Variants in CLMP observed in about 807,000 individuals in gnomAD.
CLMP encodes the protein CXADR-like membrane protein.
CLMP carries 27 observed loss-of-function variants against 45.2 expected under a neutral mutation model. The ratio of observed to expected loss-of-function variants is 0.60; its 90% CI spans 0.44 to 0.82. CLMP has a LOEUF of 0.82. Among genes scored for constraint, CLMP ranks in the 40% least tolerant of loss-of-function variants. The pLI is 0.00. For synonymous variants in CLMP, 167 were observed against 171.4 expected (o/e 0.97, Z 0.20); for missense variants, 403 against 448.4 (o/e 0.90, Z 0.91).
Position 123,074,709 on chromosome 11 carries a change from C to T in CLMP, c.814G>A (p.Glu272Lys), listed in dbSNP as rs1438300290. 18 of 1,613,908 alleles carry T rather than the reference C, an allele frequency of 1.1e-5. No homozygotes were observed. The highest frequency in any genetic ancestry group is 1.5e-5 in the Non-Finnish European group (18 of 1,179,956). ...ERYEEEERPNEIREDAEAPKA... is the reference protein window; with the variant it reads ...ERYEEEERPNKIREDAEAPKA... ...GGGATGTGGGAGGTTTACCGAATTT[C>T]ATTAGGTCTCTCTTCTTCCTCATAT... The change falls in exon 6 of 7, where the codon GAA becomes AAA. Residue 272 changes from glutamate to lysine, a missense_variant. Coordinates refer to ENST00000448775, the MANE Select transcript of CLMP (RefSeq NM_024769.5).
At chr11:123,133,691 G>A (rs1446913098) in intron 1 of CLMP, among the ~76,000 whole-genome samples, 2 of 152,058 alleles carry the variant, frequency 1.3e-5, no homozygotes, top group Non-Finnish European at 2.9e-5. Flanking sequence ...GCAGGTGCAG[G>A]AAGGACTGTC....
At chr11:123,174,068 T>C (rs932603628) in intron 1 of CLMP, among the ~76,000 whole-genome samples, 4 of 152,006 alleles carry the variant, frequency 2.6e-5, no homozygotes, top group African/African-American at 4.8e-5. Context: ...GGGCAACAGG[T>C]GGGACCCTGT....
At chr11:123,159,340 G>A (rs1861454894) in intron 1 of CLMP, among the ~76,000 whole-genome samples, 1 of 152,196 alleles carries the variant, frequency 6.6e-6, no homozygotes, top group South Asian at 2.1e-4. Flanking sequence ...GCTGCGCTTG[G>A]CCCGGCGATG....
intron 2 of CLMP, among the ~76,000 whole-genome samples, chr11:123,089,705 A>G (rs1376752022): frequency 6.9e-6 from 1 of 144,540 alleles, no homozygotes; most frequent in Non-Finnish European, 1.5e-5. Flanking sequence ...TGAACCCAGG[A>G]GGCGGAGCTT....
intron 1 of CLMP, among the ~76,000 whole-genome samples, chr11:123,167,447 G>A (rs944107155): frequency 2.0e-5 from 3 of 152,050 alleles, no homozygotes; most frequent in African/African-American, 7.3e-5. Context: ...CACCACGCCT[G>A]GCTAATTTTT....
chr11:123,105,597 A>G (rs544231425), intron 1 of CLMP, among the ~76,000 whole-genome samples: 1 of 149,760 alleles, frequency 6.7e-6, no homozygotes, highest in Non-Finnish European at 1.5e-5. Flanking sequence ...CACCTGGTTA[A>G]TTTTGTATTT....
At chr11:123,075,243 C>G (rs959293883) in intron 5 of CLMP, among the ~76,000 whole-genome samples, 3 of 152,174 alleles carry the variant, frequency 2.0e-5, no homozygotes, top group Admixed American at 1.3e-4. Flanking sequence ...CGGGAGCCAC[C>G]GCGCCGACCT....
intron 1 of CLMP, among the ~76,000 whole-genome samples, chr11:123,192,577 A>G (rs1021480962): frequency 6.6e-6 from 1 of 152,126 alleles, no homozygotes; most frequent in African/African-American, 2.4e-5. Flanking sequence ...ACGTTACGGG[A>G]GTGAGGCAGG....
intron 1 of CLMP, among the ~76,000 whole-genome samples, chr11:123,128,569 A>G (rs935731547): frequency 6.6e-6 from 1 of 152,114 alleles, no homozygotes; most frequent in African/African-American, 2.4e-5. Context: ...CTGATGTGAG[A>G]TTTTTGCTTG....
chr11:123,080,094 C>A (rs567826518), intron 5 of CLMP, among the ~76,000 whole-genome samples: 20 of 152,262 alleles, frequency 1.3e-4, no homozygotes, highest in Non-Finnish European at 2.5e-4. Context: ...TAAAATAAAA[C>A]ATAAAACATG....
At chr11:123,074,994 T>C (rs1865720944) in intron 5 of CLMP, 151 bp from the exon 6 acceptor site, 3 of 914,164 alleles carry the variant, frequency 3.3e-6, no homozygotes, top group Non-Finnish European at 4.8e-6. Context: ...TCACTCTTGT[T>C]GCCCAGGCTG....
At chr11:123,168,376 T>G (rs1249693310) in intron 1 of CLMP, among the ~76,000 whole-genome samples, 2 of 152,188 alleles carry the variant, frequency 1.3e-5, no homozygotes, top group African/African-American at 4.8e-5. Context: ...CCTATCTACA[T>G]CTGGATTCCA....
intron 1 of CLMP, among the ~76,000 whole-genome samples, chr11:123,107,251 G>C (rs1450933520): frequency 6.6e-6 from 1 of 150,634 alleles, no homozygotes; most frequent in African/African-American, 2.4e-5. Flanking sequence ...TTTTAATTTA[G>C]ACGGAGTCTC....
chr11:123,146,487 A>G (rs1861239986), intron 1 of CLMP, among the ~76,000 whole-genome samples: 1 of 152,052 alleles, frequency 6.6e-6, no homozygotes, highest in African/African-American at 2.4e-5. Context: ...CTGCTCTTCG[A>G]TCACAGTCTT....
intron 1 of CLMP, among the ~76,000 whole-genome samples, chr11:123,149,790 CCTTTCTTT>C (rs56251948): frequency 1.6e-4 from 24 of 149,882 alleles, no homozygotes; most frequent in Middle Eastern, 3.4e-3. Flanking sequence ...TTTCTTTCTT[CCTTTCTTT>C]CTTTCTTTGT....
At chr11:123,090,306 TA>T (rs1865915881) in intron 2 of CLMP, among the ~76,000 whole-genome samples, 1 of 124,660 alleles carries the variant, frequency 8.0e-6, no homozygotes, top group Admixed American at 8.0e-5. Flanking sequence ...AAAAAAAAAA[TA>T]GCTGGGCGTG....
At chr11:123,091,665 G>A (rs1373725685) in intron 2 of CLMP, among the ~76,000 whole-genome samples, 2 of 152,144 alleles carry the variant, frequency 1.3e-5, no homozygotes, top group Non-Finnish European at 2.9e-5. Context: ...GATTTCCCTA[G>A]GTTTAATTAT....
intron 1 of CLMP, among the ~76,000 whole-genome samples, chr11:123,123,259 C>CTTTTTT (rs11458946): frequency 8.5e-6 from 1 of 117,700 alleles, no homozygotes; most frequent in Non-Finnish European, 1.7e-5. Context: ...TCTTTCTTTC[C>CTTTTTT]TTTTTTTTTT....
At chr11:123,106,759 G>A (rs1032848794) in intron 1 of CLMP, among the ~76,000 whole-genome samples, 3 of 151,838 alleles carry the variant, frequency 2.0e-5, no homozygotes, top group Non-Finnish European at 2.9e-5. Flanking sequence ...AGTGGCTCAC[G>A]CCTGTAATCC....
Sources: gnomAD v4.1 joint callset for allele counts (sites outside exome capture counted in the v4.1 genomes callset) on GRCh38, gnomAD v4.1.1 for gene constraint, MANE v1.5 for transcripts, NCBI Gene and HGNC (gene_info 2026-07-23, HGNC 2026-07-21) for gene names.